LETMD1: variants seen among roughly 807,000 people sequenced by gnomAD.
LETMD1 encodes LETM1 domain containing 1, also known as LETM1 domain-containing protein 1.
In LETMD1, 30 loss-of-function variants were observed where a neutral mutation model predicts 43.9. That is an observed-to-expected ratio of 0.68 (90% CI 0.51 to 0.93). LETMD1 has a LOEUF of 0.93. LETMD1 is among the 40% of genes least tolerant of loss of function. The pLI is 0.00. For missense variants in LETMD1, 413 were observed against 447.7 expected, an observed-to-expected ratio of 0.92 and a Z score of 0.70; for synonymous variants, 176 against 163.1, an observed-to-expected ratio of 1.08 and a Z score of -0.60.
intron 4 of LETMD1, 106 bp from the exon 5 acceptor site, chr12:51,055,729 T>C: frequency 3.3e-6 from 2 of 608,134 alleles, no homozygotes; most frequent in Non-Finnish European, 5.7e-6. Flanking sequence ...GGAAATAGTG[T>C]CTCCATCTCT....
chr12:51,059,027 T>G, intron 8 of LETMD1: 1 of 331,234 alleles, frequency 3.0e-6, no homozygotes. Context: ...GATGTTAGGG[T>G]AGGCCTACTA....
chr12:51,054,682 T>C (rs1947126005), intron 4 of LETMD1, among the ~76,000 whole-genome samples: 2 of 152,220 alleles, frequency 1.3e-5, no homozygotes, highest in African/African-American at 4.8e-5. Context: ...CTCTGTCCTA[T>C]TGATTGAATC....
chr12:51,048,746 T>G (rs1403749853), intron 1 of LETMD1: 1 of 594,098 alleles, frequency 1.7e-6, no homozygotes, highest in African/African-American at 1.9e-5. Flanking sequence ...TTACCGCTGC[T>G]ATCTCGATTC....
rs879262559 is a variant in LETMD1, at chr12:51,060,367, A to G, written c.*936A>G. The G allele has an allele frequency of 2.6e-5, 4 of 152,398 alleles. No homozygotes were observed. The highest frequency in any genetic ancestry group is 7.2e-5 in the African/African-American group (3 of 41,470). 9.4% of individuals were successfully genotyped at this position (152,398 alleles called of 1,614,324 possible). The stretch of plus-strand genomic sequence containing the variant: ...TTCTGTAATAACTTATTGTAAATGC[A>G]TGAAGCACTGTTTTTAAACCCAAGT... On this transcript the variant is annotated 3_prime_UTR_variant, in exon 9 of 9. Coordinates refer to ENST00000262055, the MANE Select transcript of LETMD1 (RefSeq NM_015416.5).
In LETMD1 at chr12:51,056,158, C is replaced by A. The variant is rs771185894; in HGVS notation, c.675C>A (p.Thr225=). 9.3e-6 allele frequency: 15 copies of A among 1,614,026 alleles called. No individual in the cohort carries two copies. Among genetic ancestry groups the A allele is most frequent in the African/African-American group, 1.3e-5 (1 of 74,932 alleles). Residue 225 remains threonine (T), a synonymous_variant, in exon 6 of 9, where the codon ACC becomes ACA. Transcript: ENST00000262055. ...CCTCTTCCAAGATACAGCGTGGTAC[C>A]CACCCAGCAATACATGATATCTTGG... ...TDLCTKIQRG[T]HPAIHDILAL...
At chr12:51,067,625 C>T in the LETMD1 span, 1 of 1,572,012 alleles carries the variant, frequency 6.4e-7, no homozygotes, top group Non-Finnish European at 8.7e-7. This position sits in a 1 kb window ranked among gnomAD's most constrained non-coding sequence, Gnocchi z 4.1. Context: ...ACACCTCACC[C>T]CGCTGACCCT....
At position 51,055,974 on chromosome 12, in the gene LETMD1, A is replaced by G. The variant is rs754414067; in HGVS notation, c.613A>G (p.Ile205Val). The G allele has an allele frequency of 3.7e-6, 6 of 1,614,018 alleles. No individual in the cohort carries two copies. The Admixed American group carries it at 8.3e-5, about 22-fold the overall frequency. Residue 205 changes from isoleucine (I) to valine (V), a missense_variant, in exon 5 of 9, where the codon ATT (isoleucine) becomes GTT (valine). Ile to Val is a conservative substitution (Grantham distance 29, BLOSUM62 3). Transcript: ENST00000262055. ...ISYLEKVIPL[I>V]SDAGLRWRLT... ...TTATTTAGAAAAGGTCATCCCTCTC[A>G]TTTCTGATGCAGGACTCCGGTGGCG...
chr12:51,060,541 C>T (rs1948771363), downstream of LETMD1: 1 of 152,092 alleles, frequency 6.6e-6, no homozygotes, highest in South Asian at 2.1e-4. Context: ...TTTGCAGAAA[C>T]TGATTTGAAG....
chr12:51,058,138 A>C lies in LETMD1; in HGVS notation c.1012+10A>C. On this transcript the variant is annotated intron_variant, in intron 8 of 8. Transcript: ENST00000262055. ...TCCTGCAGCCTGAAAGGTAAAACAC[A>C]TTTCTGTGGTTATACCACTAAAATC... 6.4e-7 allele frequency: 1 copy of C among 1,553,088 alleles called. No homozygotes were observed. The highest frequency in any genetic ancestry group is 8.9e-7 in the Non-Finnish European group (1 of 1,124,252).
rs961936512 is a variant in LETMD1 at position 51,060,089 on chromosome 12, C to T, written c.*658C>T. 13 of 152,954 alleles carry T rather than the reference C, an allele frequency of 8.5e-5. No homozygotes were observed. Among genetic ancestry groups the T allele is most frequent in the African/African-American group, 3.1e-4 (13 of 41,562 alleles). The allele number at this position is 152,954 out of a possible 1,614,324, so 9.5% of individuals were successfully genotyped here. A position where few individuals can be genotyped will look rare whatever the true frequency, so the allele number is the denominator to read the frequency against. On this transcript the variant is annotated 3_prime_UTR_variant, in exon 9 of 9. Transcript: ENST00000262055. ...AACAGGAAGTACAAGTGCTTCTTGA[C>T]CCCTTCCTCAATGTTTCTAGCCTTC...
chr12:51,066,640 C>A, the LETMD1 span, among the ~76,000 whole-genome samples: 48 of 145,358 alleles, frequency 3.3e-4, no homozygotes, highest in Non-Finnish European at 2.9e-4. Flanking sequence ...GACTCCGTCT[C>A]AAAAAAAAAA....
downstream of LETMD1, chr12:51,062,015 A>T (rs960508964): frequency 6.6e-6 from 1 of 152,196 alleles, no homozygotes; most frequent in African/African-American, 2.4e-5. Flanking sequence ...GGGGAGAGAT[A>T]AGGATCTGTG....
the LETMD1 span, among the ~76,000 whole-genome samples, chr12:51,066,129 G>A: frequency 1.7e-4 from 26 of 151,932 alleles, no homozygotes; most frequent in African/African-American, 5.8e-4. Flanking sequence ...AGACCTGCCC[G>A]GCCAACATGA....
At chr12:51,061,171 A>G (rs1318960749), downstream of LETMD1, 1 of 152,290 alleles carries the variant, frequency 6.6e-6, no homozygotes, top group Non-Finnish European at 1.5e-5. Flanking sequence ...AAGTAACTGA[A>G]CTGTGGCCTG....
At chr12:51,050,997 CAGT>C (rs1945921918) in intron 2 of LETMD1, among the ~76,000 whole-genome samples, 2 of 142,622 alleles carry the variant, frequency 1.4e-5, no homozygotes, top group South Asian at 4.5e-4. Flanking sequence ...TGGGCAACAA[CAGT>C]GAAACTCCCA....
Position 51,056,154 on chromosome 12 carries a change from G to T in LETMD1, c.671G>T (p.Gly224Val), listed in dbSNP as rs1000818682. 2 of 1,614,150 alleles carry T rather than the reference G, an allele frequency of 1.2e-6. No homozygotes were observed. The highest frequency in any genetic ancestry group is 1.1e-5 in the South Asian group (1 of 91,082). Residue 224 changes from glycine (G) to valine (V), a missense_variant, in exon 6 of 9, where the codon GGT becomes GTT. Coordinates refer to ENST00000262055, the MANE Select transcript of LETMD1 (RefSeq NM_015416.5). ...LTDLCTKIQR[G>V]THPAIHDILA... ...CTTACCTCTTCCAAGATACAGCGTG[G>T]TACCCACCCAGCAATACATGATATC...
Position 51,051,895 on chromosome 12 carries a change from C to T in LETMD1, c.275-197C>T, listed in dbSNP as rs561142201. Among the ~76,000 whole-genome samples the T allele has an allele frequency of 4.6e-5, 7 of 152,124 alleles. No homozygotes were observed. In the East Asian group the frequency reaches 7.7e-4, roughly 17 times the overall value. ...AAGCCAAATGTAGCTAGAAGAGAGG[C>T]GATGTGCTAGGGGAAAAAATGTTGA... is the stretch of plus-strand genomic sequence containing the variant. On this transcript the variant is annotated intron_variant, in intron 2 of 8. Coordinates refer to ENST00000262055, the MANE Select transcript of LETMD1 (RefSeq NM_015416.5).
At chr12:51,067,049 C>A in the LETMD1 span, among the ~76,000 whole-genome samples, 1 of 151,970 alleles carries the variant, frequency 6.6e-6, no homozygotes, top group Admixed American at 6.6e-5. This position sits in a 1 kb window ranked among gnomAD's most constrained non-coding sequence, Gnocchi z 4.1. Context: ...AGGCTGGTCT[C>A]GAACTCCTGG....
Position 51,059,600 on chromosome 12 carries a change from A to T in LETMD1, c.*169A>T. 1 of 648,488 alleles carries T rather than the reference A, an allele frequency of 1.5e-6. No individual in the cohort carries two copies. Among genetic ancestry groups the T allele is most frequent in the Non-Finnish European group, 2.8e-6 (1 of 354,858 alleles). The allele number at this position is 648,488 out of a possible 1,614,324, so 40.2% of individuals were successfully genotyped here. On this transcript the variant is annotated 3_prime_UTR_variant, in exon 9 of 9. Coordinates refer to ENST00000262055, the MANE Select transcript of LETMD1 (RefSeq NM_015416.5). ...TGGCACACATGTGGGAACTGCAGAC[A>T]TTCCTCTCACAGCTAGAACTGAAAC...
Sources: gnomAD v4.1 joint callset for allele counts (sites outside exome capture counted in the v4.1 genomes callset) on GRCh38, gnomAD v4.1.1 for gene constraint, Gnocchi (gnomAD v3.1) non-coding constraint, MANE v1.5 for transcripts, NCBI Gene and HGNC (gene_info 2026-07-23, HGNC 2026-07-21) for gene names.